Variants in SEMA3A observed in about 807,000 individuals in gnomAD.
SEMA3A encodes the protein semaphorin-3A.
Under a neutral mutation model 97.9 loss-of-function variants are expected in SEMA3A, and 29 were observed. The ratio of observed to expected loss-of-function variants is 0.30; its 90% CI spans 0.22 to 0.40. The LOEUF is 0.40. Ranked by LOEUF, SEMA3A falls within the 10% of genes least tolerant of loss-of-function variation. The probability of loss-of-function intolerance (pLI) is 1.00; values close to 1 mark genes in which losing one functional copy is unlikely to be tolerated. For synonymous variants in SEMA3A, 321 were observed against 323.7 expected, an observed-to-expected ratio of 0.99 and a Z score of 0.09; for missense variants, 763 against 951.3, an observed-to-expected ratio of 0.80 and a Z score of 2.60.
chr7:84,036,108 T>A (rs1333504476), intron 6 of SEMA3A, among the ~76,000 whole-genome samples: 2 of 152,064 alleles, frequency 1.3e-5, no homozygotes, highest in African/African-American at 4.8e-5. Flanking sequence ...CCCCACTCTG[T>A]AGTTGTGATA....
At position 84,488,317 on chromosome 7, in the gene SEMA3A, T is replaced by TACACAC. The variant is rs67659986; in HGVS notation, c.-246+4137_-246+4142dup. Among the ~76,000 whole-genome samples, 879 of 145,746 alleles carry TACACAC rather than the reference T, an allele frequency of 6.0e-3. 4 individuals carry two copies. The highest frequency in any genetic ancestry group is 0.015 in the African/African-American group (588 of 39,214). On this transcript the variant is annotated intron_variant, in intron 1 of 3. Coordinates refer to the SEMA3A transcript ENST00000424555. ...TTTTCCAGCTATGTTTCTTCGTATATACACACACACACACACACACACACA... is the reference window on the plus strand; with the variant it reads ...TTTTCCAGCTATGTTTCTTCGTATATACACACACACACACACACACACACACACACA...
chr7:84,134,868 G>A lies in SEMA3A; in HGVS notation c.196C>T (p.Arg66Trp), dbSNP rs199979628. The stretch of plus-strand genomic sequence containing the variant: ...TTTGCTCCAACATACAGCCTACTCC[G>A]TTCCTCATCCAAAAGGAAGGTATGA... ...SYHTFLLDEE[R>W]SRLYVGAKDH... The change falls in exon 2 of 17, where the codon CGG (arginine) becomes TGG (tryptophan). Residue 66 changes from arginine to tryptophan, a missense_variant. Transcript: ENST00000265362. The A allele has an allele frequency of 6.9e-4, 1,121 of 1,613,752 alleles. 1 individual carries two copies. The highest frequency in any genetic ancestry group is 8.4e-4 in the Non-Finnish European group (989 of 1,179,738).
At chr7:84,053,746 C>G (rs969112347) in intron 5 of SEMA3A, among the ~76,000 whole-genome samples, 2 of 148,968 alleles carry the variant, frequency 1.3e-5, no homozygotes, top group African/African-American at 4.9e-5. Context: ...TGAATTTGAT[C>G]CTGTCATTAT....
At chr7:84,144,206 T>G (rs1329478671) in intron 1 of SEMA3A, among the ~76,000 whole-genome samples, 5 of 151,936 alleles carry the variant, frequency 3.3e-5, no homozygotes, top group Admixed American at 6.6e-5. Context: ...GAAGAAAATA[T>G]ATTAAAGATC....
intron 13 of SEMA3A, among the ~76,000 whole-genome samples, chr7:83,983,434 G>A (rs146045582): frequency 9.1e-4 from 139 of 152,090 alleles, no homozygotes; most frequent in African/African-American, 3.2e-3. Context: ...AGAAGCATGA[G>A]CAAAATGTAT....
chr7:84,469,982 T>C (rs985570605), intron 1 of SEMA3A, among the ~76,000 whole-genome samples: 2 of 151,690 alleles, frequency 1.3e-5, no homozygotes, highest in African/African-American at 4.8e-5. Context: ...TTTTTAATTG[T>C]TAATGAAATA....
intron 2 of SEMA3A, among the ~76,000 whole-genome samples, chr7:84,333,296 A>G (rs915200002): frequency 1.3e-5 from 2 of 152,162 alleles, no homozygotes; most frequent in Admixed American, 6.6e-5. Context: ...TACAAAATGC[A>G]ACACAAGGAA....
intron 1 of SEMA3A, among the ~76,000 whole-genome samples, chr7:84,447,710 C>A (rs752102494): frequency 3.9e-5 from 6 of 152,196 alleles, no homozygotes; most frequent in African/African-American, 1.4e-4. Context: ...GTCCGCATAC[C>A]TCATTCTTCC....
chr7:84,289,199 G>A (rs1800676568), intron 3 of SEMA3A, among the ~76,000 whole-genome samples: 1 of 152,040 alleles, frequency 6.6e-6, no homozygotes, highest in South Asian at 2.1e-4. Context: ...AATAGTAATT[G>A]CCAAACTGGA....
At chr7:84,236,652 G>A (rs1013795145) in intron 3 of SEMA3A, among the ~76,000 whole-genome samples, 4 of 151,984 alleles carry the variant, frequency 2.6e-5, no homozygotes, top group African/African-American at 4.8e-5. Context: ...TTCCATCTAT[G>A]ATATTAATTT....
intron 1 of SEMA3A, among the ~76,000 whole-genome samples, chr7:84,163,504 G>C (rs569891958): frequency 6.6e-5 from 10 of 152,184 alleles, no homozygotes; most frequent in South Asian, 2.1e-4. Flanking sequence ...TCAAAATTCA[G>C]CTTAAATAAT....
chr7:84,037,604 C>T (rs147194799), intron 6 of SEMA3A, among the ~76,000 whole-genome samples: 29 of 152,134 alleles, frequency 1.9e-4, no homozygotes, highest in East Asian at 1.7e-3. Flanking sequence ...TATTAGCCTA[C>T]GTTAAATCTA....
intron 2 of SEMA3A, among the ~76,000 whole-genome samples, chr7:84,362,104 C>T (rs2116068295): frequency 6.6e-6 from 1 of 151,984 alleles, no homozygotes. Flanking sequence ...AGTCTTCCTT[C>T]ATGACTAAAT....
At chr7:83,992,218 T>A (rs1468164913) in intron 12 of SEMA3A, among the ~76,000 whole-genome samples, 6 of 151,638 alleles carry the variant, frequency 4.0e-5, no homozygotes, top group African/African-American at 1.5e-4. Flanking sequence ...TTTTTTTCTT[T>A]ATTAGTCTTG....
intron 1 of SEMA3A, among the ~76,000 whole-genome samples, chr7:84,420,483 A>C (rs1804558908): frequency 6.6e-6 from 1 of 152,108 alleles, no homozygotes; most frequent in Non-Finnish European, 1.5e-5. Context: ...ACTTGAAGAT[A>C]GGTCAATTAA....
At chr7:84,398,771 G>T (rs1413923545) in intron 1 of SEMA3A, among the ~76,000 whole-genome samples, 3 of 151,728 alleles carry the variant, frequency 2.0e-5, no homozygotes, top group Non-Finnish European at 1.5e-5. Flanking sequence ...TTGTGCCACT[G>T]AACTCCAGCC....
chr7:83,976,092 T>G (rs1789139240), intron 15 of SEMA3A, among the ~76,000 whole-genome samples: 1 of 152,136 alleles, frequency 6.6e-6, no homozygotes, highest in South Asian at 2.1e-4. Flanking sequence ...GGTAGTAGGA[T>G]TCCCCAAACA....
At chr7:84,177,564 A>G (rs960072376) in intron 1 of SEMA3A, among the ~76,000 whole-genome samples, 7 of 152,120 alleles carry the variant, frequency 4.6e-5, no homozygotes, top group African/African-American at 1.7e-4. Flanking sequence ...TGTTCCATGC[A>G]TATTTATTAT....
At position 83,992,281 on chromosome 7, in the gene SEMA3A, A is replaced by T. The variant is rs552962564; in HGVS notation, c.1453-6804T>A. On this transcript the variant is annotated intron_variant, in intron 12 of 16. Transcript: ENST00000265362. Reference sequence around the variant, plus strand: ...TTTCAAAAAACCAGCTCCTGGATTCATTCATTTTTTGAAGGGTTTTTTGTG... The same window carrying T: ...TTTCAAAAAACCAGCTCCTGGATTCTTTCATTTTTTGAAGGGTTTTTTGTG... 1.3e-4 allele frequency among the ~76,000 whole-genome samples: 20 copies of T among 148,784 alleles called. No homozygotes were observed. The South Asian group carries it at 2.1e-3, about 16-fold the overall frequency.
Sources: allele counts gnomAD v4.1 joint callset (sites outside exome capture counted in the v4.1 genomes callset), GRCh38; gene constraint gnomAD v4.1.1; transcripts MANE v1.5; gene names NCBI Gene and HGNC (gene_info 2026-07-23, HGNC 2026-07-21).